The following CSF3 variants were observed in gnomAD, a reference collection of about 807,000 sequenced individuals.
The protein encoded by CSF3 is colony stimulating factor 3.
In CSF3, 17 loss-of-function variants were observed where a neutral mutation model predicts 20.2. The observed-to-expected ratio is 0.84, with a 90% CI of 0.58 to 1.26. CSF3 has a LOEUF of 1.26. Among genes scored for constraint, CSF3 ranks in the 50% most tolerant of loss-of-function variants. The pLI, the probability that CSF3 is intolerant of heterozygous loss-of-function variation, is 0.00. For synonymous variants in CSF3, 125 were observed against 115.3 expected, an observed-to-expected ratio of 1.08 and a Z score of -0.54; for missense variants, 210 against 256.0, an observed-to-expected ratio of 0.82 and a Z score of 1.23.
At chr17:40,016,099 G>T in intron 2 of CSF3, 134 bp from the exon 3 acceptor site, 1 of 818,866 alleles carries the variant, frequency 1.2e-6, no homozygotes, top group South Asian at 1.8e-5. Context: ...AGAGAGTGGG[G>T]GTGCAGGGCA....
intron 2 of CSF3, 39 bp downstream of exon 2, chr17:40,015,884 G>A (rs758932124): frequency 2.9e-5 from 45 of 1,577,948 alleles, no homozygotes; most frequent in East Asian, 6.8e-5. Context: ...AGGGAAGCCC[G>A]GTGGGGAGAG....
chr17:40,015,774 A>G lies in CSF3; in HGVS notation c.124A>G (p.Ser42Gly), dbSNP rs759275428. ...PLGPASSLPQ[S>G]FLLKCLEQVR... ...GGGCCCTGCCAGCTCCCTGCCCCAG[A>G]GCTTCCTGCTCAAGTGCTTAGAGCA... The change falls in exon 2 of 5, where the codon AGC becomes GGC. Residue 42 changes from serine to glycine, a missense_variant. Physicochemically the swap from Ser to Gly is moderately conservative, Grantham distance 56. Transcript: ENST00000394149. The G allele has an allele frequency of 1.2e-6, 2 of 1,608,502 alleles. No individual in the cohort carries two copies. Among genetic ancestry groups the G allele is most frequent in the Non-Finnish European group, 1.7e-6 (2 of 1,177,364 alleles).
At position 40,017,212 on chromosome 17, in the gene CSF3, G is replaced by A. The variant is rs1981457972; in HGVS notation, c.*253G>A. On this transcript the variant is annotated 3_prime_UTR_variant, in exon 5 of 5. Coordinates refer to ENST00000394149, the MANE Select transcript of CSF3 (RefSeq NM_172219.3). The stretch of plus-strand genomic sequence containing the variant: ...GCTCCCCAGCCCTGGCTCTGCAATG[G>A]GCACTGGGATGAGCCGCTGTGAGCC... 2.8e-6 allele frequency: 1 copy of A among 357,354 alleles called. No homozygotes were observed. The allele number at this position is 357,354 out of a possible 1,614,324, so 22.1% of individuals were successfully genotyped here. A position where few individuals can be genotyped will look rare whatever the true frequency, so the allele number is the denominator to read the frequency against.
At chr17:40,016,175 C>G in intron 2 of CSF3, 58 bp from the exon 3 acceptor site, 1 of 1,337,372 alleles carries the variant, frequency 7.5e-7, no homozygotes, top group South Asian at 1.4e-5. Flanking sequence ...GGGGAGGACC[C>G]GGGAAGGAGC....
chr17:40,016,020 G>C, intron 2 of CSF3, 175 bp downstream of exon 2: 2 of 1,039,986 alleles, frequency 1.9e-6, no homozygotes, highest in Non-Finnish European at 2.7e-6. Flanking sequence ...GACAGTGCTC[G>C]GGAGGGCTGG....
rs1981462779 is a variant in CSF3 at position 40,017,272 on chromosome 17, G to A, written c.*313G>A. 4.6e-6 allele frequency: 1 copy of A among 218,364 alleles called. No individual in the cohort carries two copies. The highest frequency in any genetic ancestry group is 9.0e-6 in the Non-Finnish European group (1 of 111,408). 13.5% of individuals were successfully genotyped at this position (218,364 alleles called of 1,614,324 possible). On this transcript the variant is annotated 3_prime_UTR_variant, in exon 5 of 5. Transcript: ENST00000394149. ...GAGGGTCCCCACCTGGGACCCTTGAGAGTATCAGGTCTCCCACGTGGGAGA... is the reference window on the plus strand; with the variant it reads ...GAGGGTCCCCACCTGGGACCCTTGAAAGTATCAGGTCTCCCACGTGGGAGA...
At chr17:40,016,127 C>G in intron 2 of CSF3, 106 bp from the exon 3 acceptor site, 1 of 954,194 alleles carries the variant, frequency 1.0e-6, no homozygotes, top group Non-Finnish European at 1.6e-6. Flanking sequence ...ACTGAACAGC[C>G]TGGCAGGACA....
In CSF3 at chr17:40,016,474, C is replaced by CT; in HGVS notation, c.304-10dup. 6.2e-7 allele frequency: 1 copy of CT among 1,614,058 alleles called. No individual in the cohort carries two copies. ...GGCAGCACCCCCTAACTCTTCCGCT[C>CT]TGTCTCACAGGCAGGCTGCTTGAGC... On this transcript the variant is annotated splice_polypyrimidine_tract_variant and intron_variant, in intron 3 of 4. Transcript: ENST00000394149.
At chr17:40,015,893 A>G in intron 2 of CSF3, 48 bp downstream of exon 2, 1 of 1,565,066 alleles carries the variant, frequency 6.4e-7, no homozygotes, top group Non-Finnish European at 8.7e-7. Context: ...CGGTGGGGAG[A>G]GCTAAGGGGG....
Position 40,016,496 on chromosome 17 carries a change from G to A in CSF3, c.315G>A (p.Leu105=). The change falls in exon 4 of 5, where the codon TTG becomes TTA. Residue 105 remains leucine, a synonymous_variant. Transcript: ENST00000394149. The part of the protein sequence containing the change: ...PSQALQLAGC[L]SQLHSGLFLY... ...GCTCTGTCTCACAGGCAGGCTGCTT[G>A]AGCCAACTCCATAGCGGCCTTTTCC... The A allele has an allele frequency of 6.2e-7, 1 of 1,614,160 alleles. No individual in the cohort carries two copies. Among genetic ancestry groups the A allele is most frequent in the East Asian group, 2.2e-5 (1 of 44,880 alleles).
intron 2 of CSF3, 44 bp from the exon 3 acceptor site, chr17:40,016,189 G>C: frequency 7.0e-7 from 1 of 1,438,356 alleles, no homozygotes; most frequent in Non-Finnish European, 9.4e-7. Context: ...AAGGAGCGGC[G>C]ACCCGGCCAT....
chr17:40,016,392 A>G, intron 3 of CSF3, 52 bp downstream of exon 3: 1 of 1,603,788 alleles, frequency 6.2e-7, no homozygotes, highest in East Asian at 2.2e-5. Flanking sequence ...GAGAGGAGGA[A>G]CACCCATGGG....
intron 2 of CSF3, 166 bp from the exon 3 acceptor site, chr17:40,016,067 G>A: frequency 1.2e-6 from 1 of 830,388 alleles, no homozygotes; most frequent in South Asian, 1.8e-5. Flanking sequence ...TCAGGAGAAA[G>A]GGCAAGGGCC....
In CSF3 at chr17:40,016,556, C is replaced by G; in HGVS notation, c.375C>G (p.Ile125Met). Reference sequence around the variant, plus strand: ...GGCTCCTGCAGGCCCTGGAAGGGATCTCCCCCGAGTTGGGTCCCACCTTGG... The same window carrying G: ...GGCTCCTGCAGGCCCTGGAAGGGATGTCCCCCGAGTTGGGTCCCACCTTGG... ...YQGLLQALEGISPELGPTLDT... is the reference protein window; with the variant it reads ...YQGLLQALEGMSPELGPTLDT... The change falls in exon 4 of 5, where the codon ATC (isoleucine) becomes ATG (methionine). Residue 125 changes from isoleucine to methionine, a missense_variant. Ile to Met is a conservative substitution (Grantham distance 10). Transcript: ENST00000394149. 1 of 1,614,220 alleles carries G rather than the reference C, an allele frequency of 6.2e-7. No homozygotes were observed. Among genetic ancestry groups the G allele is most frequent in the Non-Finnish European group, 8.5e-7 (1 of 1,180,032 alleles).
Position 40,016,280 on chromosome 17 carries a change from A to G in CSF3, c.243A>G (p.Gly81=). 6.3e-7 allele frequency: 1 copy of G among 1,590,850 alleles called. No individual in the cohort carries two copies. The highest frequency in any genetic ancestry group is 8.6e-7 in the Non-Finnish European group (1 of 1,168,944). The change falls in exon 3 of 5, where the codon GGA becomes GGG. Residue 81 remains glycine (G), a synonymous_variant. Coordinates refer to ENST00000394149, the MANE Select transcript of CSF3 (RefSeq NM_172219.3). ...LCHPEELVLL[G]HSLGIPWAPL... ...ACCCCGAGGAGCTGGTGCTGCTCGG[A>G]CACTCTCTGGGCATCCCCTGGGCTC...
rs751634345 is a variant in CSF3, at chr17:40,015,445, G to A, written c.-30G>A. 3.4e-5 allele frequency: 53 copies of A among 1,547,522 alleles called. No homozygotes were observed. The highest frequency in any genetic ancestry group is 9.6e-5 in the African/African-American group (7 of 72,810). On this transcript the variant is annotated 5_prime_UTR_variant, in exon 1 of 5. Transcript: ENST00000394149. The stretch of plus-strand genomic sequence containing the variant: ...CTAGAGCTGGGCCCCAAAACAGCCC[G>A]GAGCCTGCAGCCCAGCCCCACCCAG...
chr17:40,015,731 G>A lies in CSF3; in HGVS notation c.81G>A (p.Val27=), dbSNP rs1346413248. 2 of 1,597,138 alleles carry A rather than the reference G, an allele frequency of 1.3e-6. No individual in the cohort carries two copies. The highest frequency in any genetic ancestry group is 1.1e-5 in the South Asian group (1 of 88,580). ...TGTGGCACAGTGCACTCTGGACAGT[G>A]CAGGAAGCCACCCCCCTGGGCCCTG... The part of the protein sequence containing the change: ...LLLWHSALWT[V]QEATPLGPAS... Residue 27 remains valine, a synonymous_variant, in exon 2 of 5, where the codon GTG becomes GTA. Coordinates refer to ENST00000394149, the MANE Select transcript of CSF3 (RefSeq NM_172219.3).
In CSF3 at chr17:40,015,473, C is replaced by T; in HGVS notation, c.-2C>T. 6.4e-7 allele frequency: 1 copy of T among 1,551,496 alleles called. No individual in the cohort carries two copies. On this transcript the variant is annotated 5_prime_UTR_variant, in exon 1 of 5. Coordinates refer to ENST00000394149, the MANE Select transcript of CSF3 (RefSeq NM_172219.3). ...GCCTGCAGCCCAGCCCCACCCAGAC[C>T]CATGGCTGGACCTGCCACCCAGAGC... is the stretch of plus-strand genomic sequence containing the variant.
Position 40,016,902 on chromosome 17 carries a change from T to C in CSF3, c.558T>C (p.His186=), listed in dbSNP as rs747305350. ...RRAGGVLVAS[H]LQSFLEVSYR... is the part of the protein sequence containing the mutation. ...CAGGAGGGGTCCTGGTTGCCTCCCA[T>C]CTGCAGAGCTTCCTGGAGGTGTCGT... Residue 186 remains histidine (H), a synonymous_variant, in exon 5 of 5, where the codon CAT becomes CAC. Transcript: ENST00000394149. The C allele has an allele frequency of 1.9e-6, 3 of 1,613,272 alleles. No homozygotes were observed. Among genetic ancestry groups the C allele is most frequent in the Admixed American group, 1.7e-5 (1 of 59,926 alleles).
Sources: allele counts gnomAD v4.1 joint callset, GRCh38; gene constraint gnomAD v4.1.1; transcripts MANE v1.5; gene names NCBI Gene and HGNC (gene_info 2026-07-23, HGNC 2026-07-21).